Variants in MARCHF7 observed in about 807,000 individuals in gnomAD.
MARCHF7 encodes the protein E3 ubiquitin-protein ligase MARCHF7.
MARCHF7 carries 20 observed loss-of-function variants against 76.5 expected under a neutral mutation model. That is an observed-to-expected ratio of 0.26 (90% confidence interval 0.18 to 0.38). The LOEUF is 0.38. Ranked by LOEUF, MARCHF7 falls within the 10% of genes least tolerant of loss-of-function variation. MARCHF7 has a pLI of 1.00. For synonymous variants in MARCHF7, 295 were observed against 293.0 expected (o/e 1.01, Z -0.07); for missense variants, 797 against 812.9 (o/e 0.98, Z 0.24).
Position 159,769,367 on chromosome 2 carries a change from G to A in MARCHF7, c.*2025G>A, listed in dbSNP as rs868321257. On this transcript the variant is annotated 3_prime_UTR_variant, in exon 12 of 12. Transcript: ENST00000409175. ...TATATAAAGAAAAAATGTAGGCCAA[G>A]TGTGGTGGCTCACGCATGTAATCCC... 2 of 152,248 alleles carry A rather than the reference G, an allele frequency of 1.3e-5. No individual in the cohort carries two copies. Among genetic ancestry groups the A allele is most frequent in the South Asian group, 4.1e-4 (2 of 4,824 alleles). The allele number at this position is 152,248 out of a possible 1,614,324, so 9.4% of individuals were successfully genotyped here.
At chr2:159,744,469 A>G (rs72996634) in intron 5 of MARCHF7, among the ~76,000 whole-genome samples, 2,160 of 152,314 alleles carry the variant, frequency 0.014, 50 homozygotes, top group African/African-American at 0.049. Flanking sequence ...TTTTGTTGAA[A>G]GGTCAGGAGG....
intron 4 of MARCHF7, chr2:159,733,518 A>G (rs966858578): frequency 1.0e-6 from 1 of 983,180 alleles, no homozygotes; most frequent in Admixed American, 6.2e-5. Flanking sequence ...GATTACAGGC[A>G]TGAGCTACTG....
intron 8 of MARCHF7, among the ~76,000 whole-genome samples, chr2:159,754,099 G>A (rs573143697): frequency 6.6e-6 from 1 of 152,306 alleles, no homozygotes; most frequent in Admixed American, 6.5e-5. Context: ...GAGATACACT[G>A]AAAGTTAGTT....
At chr2:159,753,367 C>G (rs564675215) in intron 8 of MARCHF7, among the ~76,000 whole-genome samples, 3 of 151,866 alleles carry the variant, frequency 2.0e-5, no homozygotes, top group Admixed American at 1.3e-4. Flanking sequence ...GTCAGGAGAT[C>G]GAGACCATCC....
chr2:159,729,961 T>G (rs552062848), intron 4 of MARCHF7, among the ~76,000 whole-genome samples: 1 of 152,354 alleles, frequency 6.6e-6, no homozygotes, highest in African/African-American at 2.4e-5. Context: ...TTTATGAAAG[T>G]GCTAAAAGTC....
At chr2:159,743,934 C>G in intron 5 of MARCHF7, among the ~76,000 whole-genome samples, 1 of 126,908 alleles carries the variant, frequency 7.9e-6, no homozygotes. Flanking sequence ...TACAGAAACT[C>G]TTGAGTTACA....
chr2:159,748,833 G>C lies in MARCHF7; in HGVS notation c.1543G>C (p.Asp515His). The change falls in exon 7 of 12, where the codon GAT (aspartate) becomes CAT (histidine). Residue 515 changes from aspartate to histidine, a missense_variant. Physicochemically the swap from Asp to His is moderately conservative, Grantham distance 81 (BLOSUM62 -1). Coordinates refer to ENST00000409175, the MANE Select transcript of MARCHF7 (RefSeq NM_001282805.2). ...TATTCCTTCAGGTTGGAATTCAGCT[G>C]ATGGTAAAAGTGATAAAACTAAAAG... Reference protein sequence around the residue: ...DIIPSGWNSADGKSDKTKSAP... With the variant: ...DIIPSGWNSAHGKSDKTKSAP... 6.2e-7 allele frequency: 1 copy of C among 1,613,930 alleles called. No individual in the cohort carries two copies. Among genetic ancestry groups the C allele is most frequent in the Non-Finnish European group, 8.5e-7 (1 of 1,179,968 alleles).
chr2:159,725,360 T>G (rs1413449119), intron 3 of MARCHF7, among the ~76,000 whole-genome samples: 1 of 152,216 alleles, frequency 6.6e-6, no homozygotes, highest in African/African-American at 2.4e-5. Context: ...TCCTGACTTT[T>G]TAATGATTGC....
intron 11 of MARCHF7, 91 bp downstream of exon 11, chr2:159,764,765 A>T (rs965887108): frequency 2.2e-6 from 2 of 890,772 alleles, no homozygotes; most frequent in African/African-American, 1.7e-5. Context: ...TGTTCTGCCA[A>T]ATTAGAGCTC....
At chr2:159,756,542 C>T (rs1009519357) in intron 8 of MARCHF7, among the ~76,000 whole-genome samples, 1 of 151,944 alleles carries the variant, frequency 6.6e-6, no homozygotes, top group South Asian at 2.1e-4. Context: ...CAGAAATTAG[C>T]TGGGTGTGGT....
At chr2:159,751,073 T>C (rs914169870) in intron 7 of MARCHF7, among the ~76,000 whole-genome samples, 1 of 152,204 alleles carries the variant, frequency 6.6e-6, no homozygotes, top group African/African-American at 2.4e-5. Context: ...TCTACCCTGG[T>C]AGTGTTTGCT....
chr2:159,733,787 G>A, intron 4 of MARCHF7: 4 of 985,376 alleles, frequency 4.1e-6, no homozygotes, highest in Non-Finnish European at 4.8e-6. Flanking sequence ...ATTTGTGTCA[G>A]TTCATCGATA....
rs749792372 is a variant in MARCHF7, at chr2:159,767,380, TG to T, written c.*39del. The T allele has an allele frequency of 2.0e-6, 3 of 1,496,762 alleles. No homozygotes were observed. The highest frequency in any genetic ancestry group is 2.8e-6 in the Non-Finnish European group (3 of 1,083,870). The allele number at this position is 1,496,762 out of a possible 1,614,324, so 92.7% of individuals were successfully genotyped here. On this transcript the variant is annotated 3_prime_UTR_variant, in exon 12 of 12. Coordinates refer to ENST00000409175, the MANE Select transcript of MARCHF7 (RefSeq NM_001282805.2). ...CAGATGGATGATCTGTGAACATAAG[TG>T]TTTATTAAAAATGGCAATTAAATAT... is the stretch of plus-strand genomic sequence containing the variant.
At chr2:159,736,155 C>T (rs1703430233) in intron 4 of MARCHF7, among the ~76,000 whole-genome samples, 1 of 152,190 alleles carries the variant, frequency 6.6e-6, no homozygotes, top group Non-Finnish European at 1.5e-5. Context: ...ATTGCCGAGT[C>T]ATGCATAACC....
intron 10 of MARCHF7, among the ~76,000 whole-genome samples, chr2:159,763,289 T>A (rs1033336043): frequency 9.2e-5 from 14 of 152,302 alleles, no homozygotes; most frequent in African/African-American, 3.1e-4. Context: ...AAATGGGCTT[T>A]TTATTATTAA....
chr2:159,746,265 T>C (rs1704870681), intron 6 of MARCHF7, among the ~76,000 whole-genome samples: 1 of 152,262 alleles, frequency 6.6e-6, no homozygotes, highest in Non-Finnish European at 1.5e-5. Flanking sequence ...AATAAATAAC[T>C]ACTTCTGATT....
At chr2:159,713,605 A>T (rs536338293) in intron 1 of MARCHF7, among the ~76,000 whole-genome samples, 1 of 152,360 alleles carries the variant, frequency 6.6e-6, no homozygotes, top group South Asian at 2.1e-4. Context: ...TTAAAAATCC[A>T]ATAGTATACA....
chr2:159,728,197 G>A (rs1193842486), intron 3 of MARCHF7, among the ~76,000 whole-genome samples: 1 of 152,030 alleles, frequency 6.6e-6, no homozygotes, highest in Non-Finnish European at 1.5e-5. Context: ...TATAGTACCT[G>A]TCTCACAGGG....
At position 159,759,213 on chromosome 2, in the gene MARCHF7, T is replaced by A. The variant is rs190882252; in HGVS notation, c.1784-13T>A. The A allele has an allele frequency of 2.7e-6, 4 of 1,456,804 alleles. No individual in the cohort carries two copies. The East Asian group carries it at 9.1e-5, about 33-fold the overall frequency. 90.2% of individuals were successfully genotyped at this position (1,456,804 alleles called of 1,614,324 possible). ...ATAAAACTAAGCTTTATTTGTAATTTAATTTTTACCAGGTTCTTCATTAGA... is the reference window on the plus strand; with the variant it reads ...ATAAAACTAAGCTTTATTTGTAATTAAATTTTTACCAGGTTCTTCATTAGA... On this transcript the variant is annotated splice_polypyrimidine_tract_variant and intron_variant, in intron 8 of 11. Coordinates refer to ENST00000409175, the MANE Select transcript of MARCHF7 (RefSeq NM_001282805.2).
Sources: gnomAD v4.1 joint callset for allele counts (sites outside exome capture counted in the v4.1 genomes callset) on GRCh38, gnomAD v4.1.1 for gene constraint, MANE v1.5 for transcripts, NCBI Gene and HGNC (gene_info 2026-07-23, HGNC 2026-07-21) for gene names.